Variants in TIPIN observed in about 807,000 individuals in gnomAD.
TIPIN encodes the protein TIMELESS interacting protein.
TIPIN carries 29 observed loss-of-function variants against 35.6 expected under a neutral mutation model. That is an observed-to-expected ratio of 0.82 (90% CI 0.61 to 1.11). TIPIN has a LOEUF of 1.11. Ranked by LOEUF, TIPIN falls within the 50% of genes most tolerant of loss-of-function variation. The pLI is 0.00. For synonymous variants in TIPIN, 102 were observed against 121.5 expected, an observed-to-expected ratio of 0.84 and a Z score of 1.06; for missense variants, 296 against 345.4, an observed-to-expected ratio of 0.86 and a Z score of 1.13.
Position 66,346,191 on chromosome 15 carries a change from G to A in TIPIN, c.475+2869C>T, listed in dbSNP as rs112347502. 7.1e-4 allele frequency among the ~76,000 whole-genome samples: 107 copies of A among 150,856 alleles called. 2 individuals are homozygous for A. The highest frequency in any genetic ancestry group is 3.5e-3 in the Middle Eastern group (1 of 282). On this transcript the variant is annotated intron_variant, in intron 6 of 7. Transcript: ENST00000261881. ...TCGAACTCCTGGCCTCAAGTGATCC[G>A]CCCGTCTTGGCCTCCCAAAGTGCTA... is the stretch of plus-strand genomic sequence containing the variant.
At chr15:66,374,668 C>T (rs550956292) in intron 1 of TIPIN, among the ~76,000 whole-genome samples, 89 of 152,268 alleles carry the variant, frequency 5.8e-4, no homozygotes, top group African/African-American at 2.1e-3. Context: ...CAACCTCTAC[C>T]TCCCAGGTTC....
At chr15:66,379,665 A>G in intron 1 of TIPIN, 2 of 1,611,406 alleles carry the variant, frequency 1.2e-6, no homozygotes, top group Non-Finnish European at 1.7e-6. Flanking sequence ...GCCCAGTGTA[A>G]CACCCTTGAT....
At chr15:66,371,521 T>C in intron 1 of TIPIN, 1 of 436,628 alleles carries the variant, frequency 2.3e-6, no homozygotes, top group Non-Finnish European at 3.0e-6. Context: ...ATTGTTTCTT[T>C]TTTTTTTTTG....
At chr15:66,353,977 G>A (rs1202302509) in intron 1 of TIPIN, among the ~76,000 whole-genome samples, 1 of 152,080 alleles carries the variant, frequency 6.6e-6, no homozygotes, top group East Asian at 1.9e-4. Context: ...AAAAAATTTA[G>A]CCAGGTGTTG....
At chr15:66,342,576 C>G (rs1416578133) in intron 6 of TIPIN, among the ~76,000 whole-genome samples, 1 of 152,092 alleles carries the variant, frequency 6.6e-6, no homozygotes, top group Non-Finnish European at 1.5e-5. Flanking sequence ...ATTGGCCAGG[C>G]TGGTCTCAAA....
intron 1 of TIPIN, chr15:66,366,914 G>A (rs1464985073): frequency 1.0e-6 from 1 of 984,988 alleles, no homozygotes; most frequent in Non-Finnish European, 1.2e-6. Context: ...GGGCATGGTG[G>A]CTCATACCTG....
chr15:66,347,631 G>A (rs1213244734), intron 6 of TIPIN, among the ~76,000 whole-genome samples: 2 of 152,020 alleles, frequency 1.3e-5, no homozygotes, highest in African/African-American at 4.8e-5. Context: ...CACCCAGGCT[G>A]GATTGCAACG....
At chr15:66,357,485 C>G (rs1379711109), upstream of TIPIN, among the ~76,000 whole-genome samples, 1 of 150,712 alleles carries the variant, frequency 6.6e-6, no homozygotes, top group African/African-American at 2.4e-5. Flanking sequence ...CTTTGGGAGG[C>G]CCAGGCAGGC....
chr15:66,382,825 TTTA>T, intron 1 of TIPIN: 1 of 504,004 alleles, frequency 2.0e-6, no homozygotes, highest in Non-Finnish European at 2.6e-6. Context: ...TGTTACAGTG[TTTA>T]TTATTATACA....
chr15:66,359,212 A>T (rs1393898630), upstream of TIPIN, among the ~76,000 whole-genome samples: 1 of 151,870 alleles, frequency 6.6e-6, no homozygotes, highest in East Asian at 1.9e-4. Context: ...GATAGAAAGT[A>T]AATTACCAAT....
chr15:66,357,030 C>T (rs1241850955), upstream of TIPIN, among the ~76,000 whole-genome samples: 1 of 152,102 alleles, frequency 6.6e-6, no homozygotes, highest in Non-Finnish European at 1.5e-5. Flanking sequence ...GATCCTCCCA[C>T]CTCAGCCTCC....
At chr15:66,357,534 A>C (rs2093211440), upstream of TIPIN, among the ~76,000 whole-genome samples, 1 of 130,320 alleles carries the variant, frequency 7.7e-6, no homozygotes, top group Non-Finnish European at 1.6e-5. Context: ...GGCAGTGACT[A>C]GGATCGCACT....
chr15:66,352,352 GC>G (rs1263183339), intron 2 of TIPIN, 145 bp from the exon 3 acceptor site: 2 of 627,226 alleles, frequency 3.2e-6, no homozygotes, highest in Admixed American at 6.8e-5. Context: ...ATGCTGGAGT[GC>G]AGTGGTGCGA....
rs561760143 is a variant in TIPIN, at chr15:66,366,089, T to A, written c.-8-13134A>T. Among the ~76,000 whole-genome samples, 3 of 151,984 alleles carry A rather than the reference T, an allele frequency of 2.0e-5. No homozygotes were observed. In the South Asian group the frequency reaches 6.2e-4, roughly 32 times the overall value. On this transcript the variant is annotated intron_variant, in intron 1 of 7. Transcript: ENST00000562124. The stretch of plus-strand genomic sequence containing the variant: ...ACCTCTTGTTAAGTGGTGGAGTATA[T>A]TTTATCCCAGGTAAAAGGCAGAATT...
chr15:66,353,490 C>T (rs1438234637), intron 1 of TIPIN, among the ~76,000 whole-genome samples: 1 of 151,594 alleles, frequency 6.6e-6, no homozygotes, highest in Admixed American at 6.6e-5. Flanking sequence ...GTGGCGGGCG[C>T]TTGTAGTCCC....
intron 2 of TIPIN, 44 bp downstream of exon 2, chr15:66,352,771 G>A (rs763791783): frequency 8.4e-6 from 13 of 1,554,126 alleles, no homozygotes; most frequent in African/African-American, 2.7e-5. Context: ...ATGAGCCACC[G>A]TGCCTGGCCT....
chr15:66,341,200 A>C lies in TIPIN; in HGVS notation c.632T>G (p.Leu211Trp). The C allele has an allele frequency of 6.2e-7, 1 of 1,612,568 alleles. No homozygotes were observed. Among genetic ancestry groups the C allele is most frequent in the Non-Finnish European group, 8.5e-7 (1 of 1,179,984 alleles). Reference sequence around the variant, plus strand: ...CAGCAGCTTTGCCTGCCTTCTTTCCAAGGCCAGTTGTTTATTTCTCTCAAT... The same window carrying C: ...CAGCAGCTTTGCCTGCCTTCTTTCCCAGGCCAGTTGTTTATTTCTCTCAAT... ...QRIERNKQLA[L>W]ERRQAKLLSN... The change falls in exon 7 of 8, where the codon TTG becomes TGG. Residue 211 changes from leucine to tryptophan, a missense_variant. Leu to Trp is a moderately conservative substitution (Grantham distance 61). Transcript: ENST00000261881.
At position 66,382,716 on chromosome 15, in the gene TIPIN, G is replaced by C. The variant is rs74019589; in HGVS notation, c.-9+3891C>G. 773 of 160,836 alleles carry C rather than the reference G, an allele frequency of 4.8e-3. 7 individuals are homozygous for C. Among genetic ancestry groups the C allele is most frequent in the African/African-American group, 0.018 (740 of 41,682 alleles). 10.0% of individuals were successfully genotyped at this position (160,836 alleles called of 1,614,324 possible). A position where few individuals can be genotyped will look rare whatever the true frequency, so the allele number is the denominator to read the frequency against. On this transcript the variant is annotated intron_variant, in intron 1 of 7. Transcript: ENST00000562124. The stretch of plus-strand genomic sequence containing the variant: ...CTTGGATCTTCACATTTGTGATCTA[G>C]CTACACTGTGTACAAATGGGATGAA...
intron 6 of TIPIN, among the ~76,000 whole-genome samples, chr15:66,341,956 C>A (rs1259311483): frequency 6.6e-6 from 1 of 152,014 alleles, no homozygotes; most frequent in Non-Finnish European, 1.5e-5. Context: ...GAAGCCGAGG[C>A]GGGTGGATCA....
Sources: gnomAD v4.1 joint callset for allele counts (sites outside exome capture counted in the v4.1 genomes callset) on GRCh38, gnomAD v4.1.1 for gene constraint, MANE v1.5 for transcripts, NCBI Gene and HGNC (gene_info 2026-07-23, HGNC 2026-07-21) for gene names.